The following CADPS2 variants were observed in gnomAD, a reference collection of about 807,000 sequenced individuals.
CADPS2 encodes the protein calcium dependent secretion activator 2, also known as calcium-dependent secretion activator 2.
Under a neutral mutation model 172.5 loss-of-function variants are expected in CADPS2, and 93 were observed. The observed-to-expected ratio is 0.54, with a 90% CI of 0.46 to 0.64. The LOEUF (loss-of-function observed/expected upper bound fraction) is 0.64. Ranked by LOEUF, CADPS2 falls within the 30% of genes least tolerant of loss-of-function variation. CADPS2 has a pLI of 0.00. For synonymous variants in CADPS2, 546 were observed against 555.2 expected (o/e 0.98, Z 0.23); for missense variants, 1,420 against 1,565.9 (o/e 0.91, Z 1.57).
chr7:122,721,106 C>T (rs1455921026), intron 2 of CADPS2, among the ~76,000 whole-genome samples: 1 of 151,894 alleles, frequency 6.6e-6, no homozygotes, highest in Admixed American at 6.6e-5. Flanking sequence ...AAAAGGAAAA[C>T]TTAAAAGAAA....
intron 3 of CADPS2, among the ~76,000 whole-genome samples, chr7:122,640,595 T>C (rs181224479): frequency 9.4e-4 from 142 of 151,354 alleles, no homozygotes; most frequent in African/African-American, 3.3e-3. Context: ...CAATTTAAAA[T>C]GTTTCCATGC....
At chr7:122,603,920 T>C (rs2073140642) in intron 6 of CADPS2, among the ~76,000 whole-genome samples, 1 of 151,990 alleles carries the variant, frequency 6.6e-6, no homozygotes, top group Non-Finnish European at 1.5e-5. Flanking sequence ...GATCAAAGAG[T>C]ACACATTTTC....
At chr7:122,424,934 AT>A in intron 17 of CADPS2, among the ~76,000 whole-genome samples, 1 of 152,196 alleles carries the variant, frequency 6.6e-6, no homozygotes, top group Non-Finnish European at 1.5e-5. Context: ...ATAGCATAAA[AT>A]TTTTCCAGTG....
In CADPS2 at chr7:122,379,360, T is replaced by C. The variant is rs1181390911; in HGVS notation, c.3387+8A>G. ...TTGATTTAAAAAGGTGAATAAATAA[T>C]ACATTACCTTTGAAACTAACAGTGA... On this transcript the variant is annotated splice_region_variant and intron_variant, in intron 25 of 29. Coordinates refer to ENST00000449022, the MANE Select transcript of CADPS2 (RefSeq NM_017954.11). 1 of 1,555,504 alleles carries C rather than the reference T, an allele frequency of 6.4e-7. No homozygotes were observed. The highest frequency in any genetic ancestry group is 1.2e-5 in the South Asian group (1 of 86,838).
intron 11 of CADPS2, 99 bp downstream of exon 11, chr7:122,489,982 A>G: frequency 2.1e-6 from 2 of 969,596 alleles, no homozygotes; most frequent in Non-Finnish European, 3.1e-6. Flanking sequence ...TTAGGAATCA[A>G]TTAATGATGT....
intron 8 of CADPS2, among the ~76,000 whole-genome samples, chr7:122,549,387 A>C (rs1290487343): frequency 2.6e-5 from 4 of 152,202 alleles, no homozygotes; most frequent in African/African-American, 4.8e-5. Context: ...CTCAATACTT[A>C]CCGTCTACAT....
intron 14 of CADPS2, among the ~76,000 whole-genome samples, chr7:122,459,121 A>G (rs998138927): frequency 6.6e-6 from 1 of 151,950 alleles, no homozygotes; most frequent in Admixed American, 6.6e-5. Flanking sequence ...CTCTAACTCT[A>G]TAGATGTATT....
At chr7:122,880,141 G>C (rs1465772395) in intron 1 of CADPS2, among the ~76,000 whole-genome samples, 4 of 152,122 alleles carry the variant, frequency 2.6e-5, no homozygotes, top group Admixed American at 1.3e-4. Context: ...GAACTGTACT[G>C]TTCAGTTAGG....
At chr7:122,725,850 G>C (rs184681812) in intron 2 of CADPS2, among the ~76,000 whole-genome samples, 1 of 151,806 alleles carries the variant, frequency 6.6e-6, no homozygotes, top group East Asian at 1.9e-4. Context: ...ACTGAAACAG[G>C]AAGTACTTAA....
chr7:122,549,929 C>A (rs146521200), intron 8 of CADPS2, among the ~76,000 whole-genome samples: 1 of 152,122 alleles, frequency 6.6e-6, no homozygotes, highest in Non-Finnish European at 1.5e-5. Context: ...AATACTACCT[C>A]GACGCAGCTA....
At chr7:122,624,378 T>C (rs1421915727) in intron 4 of CADPS2, among the ~76,000 whole-genome samples, 2 of 152,146 alleles carry the variant, frequency 1.3e-5, no homozygotes, top group African/African-American at 2.4e-5. Context: ...TTTAAAAAGT[T>C]TTTCTCATTA....
intron 2 of CADPS2, among the ~76,000 whole-genome samples, chr7:122,715,971 A>G (rs2089538216): frequency 6.6e-6 from 1 of 152,124 alleles, no homozygotes; most frequent in Admixed American, 6.6e-5. Context: ...GGGGGAGGGG[A>G]AAAAACCTGA....
chr7:122,762,029 T>TACAC (rs55789434), intron 1 of CADPS2, among the ~76,000 whole-genome samples: 5 of 124,262 alleles, frequency 4.0e-5, no homozygotes, highest in South Asian at 5.0e-4. Context: ...TATATATATA[T>TACAC]ACACACACAC....
At chr7:122,467,835 TTCCTGTCAG>T (rs1003032484) in intron 14 of CADPS2, among the ~76,000 whole-genome samples, 24 of 152,338 alleles carry the variant, frequency 1.6e-4, no homozygotes, top group African/African-American at 5.8e-4. Flanking sequence ...TCTTTTCTCC[TTCCTGTCAG>T]TCCTCAGCGG....
chr7:122,362,262 C>T (rs921049323), intron 25 of CADPS2, among the ~76,000 whole-genome samples: 2 of 152,070 alleles, frequency 1.3e-5, no homozygotes, highest in Admixed American at 6.6e-5. Flanking sequence ...CCAAAGCTTA[C>T]GTAGCAGTTA....
At chr7:122,529,165 T>A (rs1455964629) in intron 8 of CADPS2, among the ~76,000 whole-genome samples, 1 of 152,036 alleles carries the variant, frequency 6.6e-6, no homozygotes, top group Non-Finnish European at 1.5e-5. Flanking sequence ...CGAAACAAAA[T>A]CTATTCCTTT....
intron 7 of CADPS2, among the ~76,000 whole-genome samples, chr7:122,576,325 G>C (rs2068030500): frequency 6.6e-6 from 1 of 152,086 alleles, no homozygotes; most frequent in African/African-American, 2.4e-5. Context: ...TTCATCACTT[G>C]GTTATCAAGA....
At chr7:122,808,996 AG>A (rs1445305746) in intron 1 of CADPS2, among the ~76,000 whole-genome samples, 1 of 152,132 alleles carries the variant, frequency 6.6e-6, no homozygotes, top group Non-Finnish European at 1.5e-5. Context: ...TCTTAACAGG[AG>A]GGGACACTTA....
At chr7:122,834,528 T>C (rs1249609952) in intron 1 of CADPS2, among the ~76,000 whole-genome samples, 2 of 152,150 alleles carry the variant, frequency 1.3e-5, no homozygotes, top group Non-Finnish European at 2.9e-5. Context: ...GGGAATTCCC[T>C]TTCCTAGCCA....
Sources: gnomAD v4.1 joint callset for allele counts (sites outside exome capture counted in the v4.1 genomes callset) on GRCh38, gnomAD v4.1.1 for gene constraint, MANE v1.5 for transcripts, NCBI Gene and HGNC (gene_info 2026-07-23, HGNC 2026-07-21) for gene names.